The following INTS4 variants were observed in gnomAD, a reference collection of about 807,000 sequenced individuals.
The protein encoded by INTS4 is MSTP093.
A neutral mutation model predicts 119.5 loss-of-function variants in INTS4; 70 were observed. That is an observed-to-expected ratio of 0.59 (90% CI 0.48 to 0.71). The LOEUF is 0.71. INTS4 is among the 30% of genes least tolerant of loss of function. The pLI, the probability that INTS4 is intolerant of heterozygous loss-of-function variation, is 0.00. For synonymous variants in INTS4, 316 were observed against 419.6 expected, an observed-to-expected ratio of 0.75 and a Z score of 3.02; for missense variants, 867 against 1,173.2, an observed-to-expected ratio of 0.74 and a Z score of 3.81.
rs1307495820 is a variant in INTS4, at chr11:77,922,230, A to C, written c.1630+126T>G. On this transcript the variant is annotated intron_variant, in intron 13 of 22. Coordinates refer to ENST00000534064, the MANE Select transcript of INTS4 (RefSeq NM_033547.4). ...GTGACAGAATGAGACTCTGTCTTCA[A>C]AAAAAAAAAAAAAAAAGAAAGAAAA... is the stretch of plus-strand genomic sequence containing the variant. 1.1e-4 allele frequency: 10 copies of C among 91,382 alleles called. No homozygotes were observed. In the African/African-American group the frequency reaches 1.4e-3, roughly 13 times the overall value. 5.7% of individuals were successfully genotyped at this position (91,382 alleles called of 1,614,324 possible).
intron 6 of INTS4, 115 bp downstream of exon 6, chr11:77,960,226 G>T: frequency 3.0e-6 from 2 of 664,944 alleles, no homozygotes; most frequent in Non-Finnish European, 2.7e-6. Context: ...CCCAATCAAC[G>T]CTGCCACTAT....
intron 11 of INTS4, among the ~76,000 whole-genome samples, chr11:77,927,540 T>C (rs1421523123): frequency 1.3e-5 from 2 of 152,210 alleles, no homozygotes; most frequent in Non-Finnish European, 2.9e-5. Flanking sequence ...GTAGTTGCAA[T>C]TAAAATCCAG....
At chr11:77,960,617 T>C (rs1416536989) in intron 5 of INTS4, among the ~76,000 whole-genome samples, 1 of 152,060 alleles carries the variant, frequency 6.6e-6, no homozygotes, top group Non-Finnish European at 1.5e-5. Flanking sequence ...TAGAAAAATA[T>C]GAAATAATGA....
In INTS4 at chr11:77,879,092, A is replaced by G; in HGVS notation, c.2749T>C (p.Tyr917His). 6.2e-7 allele frequency: 1 copy of G among 1,614,232 alleles called. No individual in the cohort carries two copies. Among genetic ancestry groups the G allele is most frequent in the African/African-American group, 1.3e-5 (1 of 75,058 alleles). ...TTTGGAATGCGAGCACTGGAGTTGT[A>G]GGCCAGCAGCAGCCTCACTTCCACC... ...CQVEVRLLLA[Y>H]NSSARIPKCP... is the part of the protein sequence containing the mutation. The change falls in exon 23 of 23, where the codon TAC becomes CAC. Residue 917 changes from tyrosine to histidine, a missense_variant. Coordinates refer to ENST00000534064, the MANE Select transcript of INTS4 (RefSeq NM_033547.4).
intron 10 of INTS4, among the ~76,000 whole-genome samples, chr11:77,931,604 G>A (rs1368641252): frequency 1.3e-5 from 2 of 151,970 alleles, no homozygotes; most frequent in African/African-American, 2.4e-5. Context: ...ATACTAGTAT[G>A]GAACCAAAAA....
chr11:77,891,966 C>T lies in INTS4; in HGVS notation c.2289-126G>A, dbSNP rs148251558. On this transcript the variant is annotated intron_variant, in intron 19 of 22. Coordinates refer to ENST00000534064, the MANE Select transcript of INTS4 (RefSeq NM_033547.4). ...TGAAGTGAGAGGAGCTTGCAGTTTA[C>T]GACCAAGATAGACTGGTACCTATAC... is the stretch of plus-strand genomic sequence containing the variant. The T allele has an allele frequency of 5.9e-4, 883 of 1,492,648 alleles. 4 individuals are homozygous for T. In the African/African-American group the frequency reaches 0.011, roughly 18 times the overall value. The allele number at this position is 1,492,648 out of a possible 1,614,324, so 92.5% of individuals were successfully genotyped here.
chr11:77,941,126 C>T lies in INTS4; in HGVS notation c.990+54G>A, dbSNP rs1240711392. The T allele has an allele frequency of 8.8e-6, 14 of 1,597,464 alleles. No individual in the cohort carries two copies. The South Asian group carries it at 1.0e-4, about 12-fold the overall frequency. ...TAAATCAACACAACTCAGCATACTGCCCCACTACATTGGTTACAGAAACCC... is the reference window on the plus strand; with the variant it reads ...TAAATCAACACAACTCAGCATACTGTCCCACTACATTGGTTACAGAAACCC... On this transcript the variant is annotated intron_variant, in intron 9 of 22. Coordinates refer to ENST00000534064, the MANE Select transcript of INTS4 (RefSeq NM_033547.4).
At chr11:77,883,732 C>G in intron 22 of INTS4, 100 bp downstream of exon 22, 1 of 1,247,972 alleles carries the variant, frequency 8.0e-7, no homozygotes, top group Non-Finnish European at 1.1e-6. Flanking sequence ...AGGCCTGATT[C>G]ATCCATGTAT....
intron 4 of INTS4, among the ~76,000 whole-genome samples, chr11:77,974,016 T>C (rs1855842053): frequency 6.6e-6 from 1 of 152,154 alleles, no homozygotes; most frequent in Non-Finnish European, 1.5e-5. Context: ...TAATTCTTAT[T>C]TCAATATTTG....
intron 10 of INTS4, 101 bp from the exon 11 acceptor site, chr11:77,928,648 G>A: frequency 6.8e-7 from 1 of 1,478,882 alleles, no homozygotes; most frequent in Non-Finnish European, 9.0e-7. Flanking sequence ...GATCACTTGA[G>A]CCCGCCTATG....
At position 77,981,769 on chromosome 11, in the gene INTS4, TTA is replaced by T. The variant is rs557291945; in HGVS notation, c.247-195_247-194del. ...TTTATTTATTTATTTATTTATTTAT[TTA>T]TTTATTTTTGAGATGGAGTTTTAAT... On this transcript the variant is annotated intron_variant, in intron 2 of 22. Transcript: ENST00000534064. 4.3e-3 allele frequency among the ~76,000 whole-genome samples: 657 copies of T among 151,808 alleles called. 3 individuals are homozygous for T. Among genetic ancestry groups the T allele is most frequent in the African/African-American group, 0.015 (622 of 41,426 alleles).
chr11:77,883,792 G>A, intron 22 of INTS4, 40 bp downstream of exon 22: 1 of 1,604,254 alleles, frequency 6.2e-7, no homozygotes, highest in Non-Finnish European at 8.5e-7. Context: ...GTGATCTCCA[G>A]CAGCATATTT....
chr11:77,901,663 C>T, intron 17 of INTS4, 112 bp from the exon 18 acceptor site: 1 of 761,412 alleles, frequency 1.3e-6, no homozygotes, highest in Non-Finnish European at 2.2e-6. Context: ...TGAGATTTTA[C>T]ATCCTTATGC....
intron 12 of INTS4, chr11:77,924,544 T>C (rs1953448236): frequency 1.9e-6 from 1 of 533,254 alleles, no homozygotes; most frequent in Non-Finnish European, 3.4e-6. Flanking sequence ...GGTGGATAGA[T>C]GCACAAATTA....
intron 2 of INTS4, among the ~76,000 whole-genome samples, chr11:77,988,023 C>A (rs1277543343): frequency 8.6e-6 from 1 of 115,646 alleles, no homozygotes; most frequent in Admixed American, 8.7e-5. Flanking sequence ...AGTCTCATAA[C>A]CCAGTCTCTA....
At chr11:77,884,203 A>C (rs1951900806) in intron 21 of INTS4, among the ~76,000 whole-genome samples, 1 of 152,170 alleles carries the variant, frequency 6.6e-6, no homozygotes, top group African/African-American at 2.4e-5. Context: ...TATTAAGCGC[A>C]AAGACAGGTA....
At chr11:77,900,139 GC>G (rs1462717204) in intron 18 of INTS4, among the ~76,000 whole-genome samples, 17 of 150,366 alleles carry the variant, frequency 1.1e-4, no homozygotes, top group Admixed American at 3.3e-4. Context: ...TTGCTCTGTT[GC>G]CCAGGCTGGA....
At chr11:77,962,026 C>G (rs1362137671) in intron 4 of INTS4, among the ~76,000 whole-genome samples, 4 of 152,204 alleles carry the variant, frequency 2.6e-5, no homozygotes, top group Admixed American at 6.5e-5. Flanking sequence ...TAAGAAGATA[C>G]TGCCAGTTGG....
intron 15 of INTS4, chr11:77,918,251 G>T: frequency 1.6e-6 from 1 of 624,068 alleles, no homozygotes; most frequent in Non-Finnish European, 2.9e-6. Context: ...GGCCACCATG[G>T]TGAAACCTCG....
Sources: gnomAD v4.1 joint callset for allele counts (sites outside exome capture counted in the v4.1 genomes callset) on GRCh38, gnomAD v4.1.1 for gene constraint, MANE v1.5 for transcripts, NCBI Gene and HGNC (gene_info 2026-07-23, HGNC 2026-07-21) for gene names.